PKN2: variants seen among roughly 807,000 people sequenced by gnomAD.
PKN2 encodes serine/threonine-protein kinase N2.
PKN2 carries 38 observed loss-of-function variants against 119.1 expected under a neutral mutation model. The observed-to-expected ratio is 0.32, with a 90% CI of 0.25 to 0.42. The LOEUF (loss-of-function observed/expected upper bound fraction) is 0.42. Ranked by LOEUF, PKN2 falls within the 10% of genes least tolerant of loss-of-function variation. The pLI is 1.00. For missense variants in PKN2, 850 were observed against 1,165.1 expected, an observed-to-expected ratio of 0.73 and a Z score of 3.94; for synonymous variants, 390 against 384.9, an observed-to-expected ratio of 1.01 and a Z score of -0.15.
intron 8 of PKN2, among the ~76,000 whole-genome samples, chr1:88,795,800 T>A (rs1438715998): frequency 6.6e-6 from 1 of 152,196 alleles, no homozygotes; most frequent in Non-Finnish European, 1.5e-5. Flanking sequence ...CTTTTGGCAG[T>A]GTAGATTTTC....
At chr1:88,795,233 C>T (rs936099237) in intron 8 of PKN2, among the ~76,000 whole-genome samples, 1 of 152,074 alleles carries the variant, frequency 6.6e-6, no homozygotes. Context: ...TCTCTCTTTC[C>T]TGTTTACAGT....
intron 19 of PKN2, chr1:88,829,554 T>C (rs545084084): frequency 1.4e-3 from 223 of 160,258 alleles, no homozygotes; most frequent in Non-Finnish European, 2.6e-3. Flanking sequence ...TACATAGAAA[T>C]TATTACTATT....
chr1:88,803,557 A>G (rs1671418226), intron 8 of PKN2, among the ~76,000 whole-genome samples: 1 of 152,186 alleles, frequency 6.6e-6, no homozygotes, highest in Non-Finnish European at 1.5e-5. Flanking sequence ...AGAGGTCAGT[A>G]TATGGTTTGG....
intron 16 of PKN2, among the ~76,000 whole-genome samples, chr1:88,817,666 G>T (rs1280529585): frequency 2.0e-5 from 3 of 150,052 alleles, no homozygotes; most frequent in African/African-American, 7.4e-5. Flanking sequence ...CCGAGATCGC[G>T]CCACAGCACT....
chr1:88,751,991 G>C (rs1669019899), intron 2 of PKN2, among the ~76,000 whole-genome samples: 1 of 152,046 alleles, frequency 6.6e-6, no homozygotes, highest in African/African-American at 2.4e-5. Flanking sequence ...TCAGTGTTCT[G>C]GACTTGGAGT....
chr1:88,805,020 GT>G, intron 10 of PKN2, 99 bp downstream of exon 10: 1 of 598,088 alleles, frequency 1.7e-6, no homozygotes, highest in South Asian at 2.2e-5. Context: ...TTTTTTTGTT[GT>G]TGTTTATTCA....
At chr1:88,732,596 CTG>C (rs1415688238) in intron 1 of PKN2, among the ~76,000 whole-genome samples, 1 of 152,110 alleles carries the variant, frequency 6.6e-6, no homozygotes, top group African/African-American at 2.4e-5. Flanking sequence ...GGGAGTCTGT[CTG>C]TGCCCAATAC....
chr1:88,740,818 G>A (rs1218382724), intron 1 of PKN2, among the ~76,000 whole-genome samples, 170 bp from the exon 2 acceptor site: 1 of 152,014 alleles, frequency 6.6e-6, no homozygotes, highest in Non-Finnish European at 1.5e-5. Context: ...ATTTTGTATG[G>A]TTATAATAAA....
At chr1:88,801,886 C>G (rs1388973379) in intron 8 of PKN2, among the ~76,000 whole-genome samples, 5 of 152,214 alleles carry the variant, frequency 3.3e-5, no homozygotes, top group Non-Finnish European at 7.3e-5. Flanking sequence ...TTGGCTGGAG[C>G]TGGACCTCAC....
intron 16 of PKN2, among the ~76,000 whole-genome samples, chr1:88,820,180 C>CAATATATATATATATATATATA: frequency 1.4e-5 from 1 of 70,730 alleles, no homozygotes; most frequent in South Asian, 5.2e-4. Context: ...TTTCAGAAAC[C>CAATATATATATATATATATATA]TATATATATA....
rs774215470 is a variant in PKN2 at position 88,805,570 on chromosome 1, T to C, written c.1575T>C (p.Ile525=). 3.1e-6 allele frequency: 5 copies of C among 1,614,058 alleles called. No individual in the cohort carries two copies. In the South Asian group the frequency reaches 5.5e-5, roughly 18 times the overall value. The part of the protein sequence containing the change: ...ATWGRLVRRA[I]PTVNHSGTFS... ...GGGGAAGGCTAGTAAGAAGAGCTAT[T>C]CCTACAGTAAATCATTCTGGCACCT... Residue 525 remains isoleucine (I), a synonymous_variant, in exon 11 of 22, where the codon ATT becomes ATC. Transcript: ENST00000370521.
At position 88,699,768 on chromosome 1, in the gene PKN2, A is replaced by AT. The variant is rs549720136; in HGVS notation, c.48+15150dup. The stretch of plus-strand genomic sequence containing the variant: ...CAAAGGACATGATATTGTTCCTTTT[A>AT]TTTTTTTTTTAATTTTTTTATTTTT... On this transcript the variant is annotated intron_variant, in intron 1 of 21. Transcript: ENST00000370521. Among the ~76,000 whole-genome samples the AT allele has an allele frequency of 3.1e-3, 385 of 126,222 alleles. 3 individuals are homozygous for AT. The highest frequency in any genetic ancestry group is 0.015 in the African/African-American group (355 of 23,574). The allele number at this position is 126,222 out of a possible 152,430, so 82.8% of individuals were successfully genotyped here. A position where few individuals can be genotyped will look rare whatever the true frequency, so the allele number is the denominator to read the frequency against.
chr1:88,741,337 A>T, intron 2 of PKN2, 49 bp downstream of exon 2: 3 of 1,197,128 alleles, frequency 2.5e-6, no homozygotes, highest in Non-Finnish European at 3.3e-6. Context: ...AATAAAAAAA[A>T]TGTATCTTTT....
At chr1:88,689,505 G>A (rs989381966) in intron 1 of PKN2, among the ~76,000 whole-genome samples, 21 of 152,080 alleles carry the variant, frequency 1.4e-4, no homozygotes, top group African/African-American at 3.6e-4. Context: ...TATGAGTCAC[G>A]GCTTTATTAA....
At chr1:88,768,852 A>G (rs1669770323) in intron 3 of PKN2, among the ~76,000 whole-genome samples, 1 of 152,220 alleles carries the variant, frequency 6.6e-6, no homozygotes, top group African/African-American at 2.4e-5. Flanking sequence ...CTGTACAAGA[A>G]GGATGGTGCT....
At chr1:88,779,480 G>A (rs1670244513) in intron 6 of PKN2, among the ~76,000 whole-genome samples, 1 of 148,584 alleles carries the variant, frequency 6.7e-6, no homozygotes, top group Admixed American at 6.8e-5. Flanking sequence ...CTGCAATTAT[G>A]TCCATCCTAG....
At chr1:88,803,338 C>T (rs1671407763) in intron 8 of PKN2, among the ~76,000 whole-genome samples, 1 of 151,708 alleles carries the variant, frequency 6.6e-6, no homozygotes, top group Non-Finnish European at 1.5e-5. Flanking sequence ...TTTTTTTTTA[C>T]TGTTTATACC....
intron 8 of PKN2, among the ~76,000 whole-genome samples, chr1:88,791,201 G>T (rs1670820932): frequency 6.6e-6 from 1 of 152,066 alleles, no homozygotes; most frequent in Non-Finnish European, 1.5e-5. Flanking sequence ...ACTTCGGCAG[G>T]CCGAAGTGGG....
intron 6 of PKN2, among the ~76,000 whole-genome samples, chr1:88,778,061 C>T (rs543385091): frequency 6.6e-6 from 1 of 152,254 alleles, no homozygotes; most frequent in Admixed American, 6.5e-5. Flanking sequence ...CCACCCGTGA[C>T]CTGAAAATCC....
Sources: gnomAD v4.1 joint callset for allele counts (sites outside exome capture counted in the v4.1 genomes callset) on GRCh38, gnomAD v4.1.1 for gene constraint, MANE v1.5 for transcripts, NCBI Gene and HGNC (gene_info 2026-07-23, HGNC 2026-07-21) for gene names.